Variants in WWOX observed in about 807,000 individuals in gnomAD.
The protein encoded by WWOX is WW domain containing oxidoreductase, also known as WW domain-containing oxidoreductase.
WWOX carries 69 observed loss-of-function variants against 46.2 expected under a neutral mutation model. The observed-to-expected ratio is 1.49, with a 90% confidence interval of 1.23 to 1.82. WWOX has a LOEUF of 1.82. WWOX is among the 40% of genes most tolerant of loss of function. WWOX has a pLI of 0.00. For synonymous variants in WWOX, 359 were observed against 202.6 expected, an observed-to-expected ratio of 1.77 and a Z score of -6.56; for missense variants, 919 against 542.6, an observed-to-expected ratio of 1.69 and a Z score of -6.89.
intron 5 of WWOX, chr16:78,278,496 T>C: frequency 3.5e-6 from 4 of 1,139,818 alleles, no homozygotes; most frequent in Non-Finnish European, 5.0e-6. Flanking sequence ...CAGCTTGAAT[T>C]TGTTAATTAA....
intron 8 of WWOX, among the ~76,000 whole-genome samples, chr16:78,811,745 C>A (rs1331171345): frequency 6.6e-6 from 1 of 152,072 alleles, no homozygotes; most frequent in Non-Finnish European, 1.5e-5. Context: ...CTAAACCTAA[C>A]AACCTCTCCA....
At position 78,115,042 on chromosome 16, in the gene WWOX, C is replaced by T. The variant is rs762544171; in HGVS notation, c.297C>T (p.Thr99=). ...RLAFTVDDNP[T]KPTTRQRYDG... ...CGTTTACTGTGGATGATAATCCGAC[C>T]AAGCCAACCACCCGGCAAAGATACG... Residue 99 remains threonine, a synonymous_variant, in exon 4 of 9, where the codon ACC becomes ACT. Coordinates refer to ENST00000566780, the MANE Select transcript of WWOX (RefSeq NM_016373.4). 6.2e-7 allele frequency: 1 copy of T among 1,614,040 alleles called. No individual in the cohort carries two copies. The highest frequency in any genetic ancestry group is 8.5e-7 in the Non-Finnish European group (1 of 1,180,040).
At chr16:78,674,251 C>G (rs1038138531) in intron 8 of WWOX, among the ~76,000 whole-genome samples, 2 of 151,482 alleles carry the variant, frequency 1.3e-5, no homozygotes, top group Non-Finnish European at 2.9e-5. Flanking sequence ...GAAGCACTCC[C>G]CATCCAACTC....
At chr16:78,309,313 T>G (rs1409453169) in intron 5 of WWOX, among the ~76,000 whole-genome samples, 1 of 152,206 alleles carries the variant, frequency 6.6e-6, no homozygotes, top group Non-Finnish European at 1.5e-5. Flanking sequence ...ACCTGGTGCT[T>G]TGCTTCCACT....
At chr16:79,177,652 A>G (rs986927294) in intron 8 of WWOX, among the ~76,000 whole-genome samples, 2 of 152,100 alleles carry the variant, frequency 1.3e-5, no homozygotes, top group Non-Finnish European at 2.9e-5. Flanking sequence ...AGGTTTCTCA[A>G]TGTGTGTTCA....
At chr16:79,144,365 G>C (rs1168729952) in intron 8 of WWOX, among the ~76,000 whole-genome samples, 2 of 152,186 alleles carry the variant, frequency 1.3e-5, no homozygotes, top group African/African-American at 4.8e-5. Context: ...GCTTTTTGGG[G>C]GACCCAGGAG....
chr16:78,779,438 C>T (rs140924574), intron 8 of WWOX, among the ~76,000 whole-genome samples: 2 of 152,134 alleles, frequency 1.3e-5, no homozygotes, highest in Non-Finnish European at 2.9e-5. Flanking sequence ...GTCCGGCCCC[C>T]CTTTCTTCTT....
At chr16:78,262,346 C>T (rs773680484) in intron 5 of WWOX, among the ~76,000 whole-genome samples, 11 of 152,132 alleles carry the variant, frequency 7.2e-5, no homozygotes, top group Non-Finnish European at 1.3e-4. Flanking sequence ...CTATTCTGAT[C>T]TTCCTGTTAG....
intron 8 of WWOX, among the ~76,000 whole-genome samples, chr16:78,973,782 T>C (rs1306234722): frequency 6.6e-6 from 1 of 152,240 alleles, no homozygotes; most frequent in South Asian, 2.1e-4. Context: ...CACAAGTTTC[T>C]GTGCTGATAT....
In WWOX at chr16:78,148,883, G is replaced by C. The variant is rs1025949405; in HGVS notation, c.410-15300G>C. Among the ~76,000 whole-genome samples the C allele has an allele frequency of 4.0e-5, 4 of 100,134 alleles. No homozygotes were observed. The Admixed American group carries it at 6.8e-4, about 17-fold the overall frequency. 65.7% of individuals were successfully genotyped at this position (100,134 alleles called of 152,430 possible). ...ACTGCACTCCAGCCTGGGCGACAGAGCAAGACTCCGTCTCAAAAAAAAAAA... is the reference window on the plus strand; with the variant it reads ...ACTGCACTCCAGCCTGGGCGACAGACCAAGACTCCGTCTCAAAAAAAAAAA... On this transcript the variant is annotated intron_variant, in intron 4 of 8. Coordinates refer to ENST00000566780, the MANE Select transcript of WWOX (RefSeq NM_016373.4).
At position 78,325,847 on chromosome 16, in the gene WWOX, G is replaced by C. The variant is rs78466085; in HGVS notation, c.517-61013G>C. Among the ~76,000 whole-genome samples the C allele has an allele frequency of 7.6e-3, 1,155 of 152,322 alleles. 17 individuals are homozygous for C. Among genetic ancestry groups the C allele is most frequent in the African/African-American group, 0.026 (1,086 of 41,560 alleles). On this transcript the variant is annotated intron_variant, in intron 5 of 8. Transcript: ENST00000566780. The stretch of plus-strand genomic sequence containing the variant: ...TTTGCAACTTGAACACACTCATTGG[G>C]AGCTTTGGATAATGACAACAATGAT...
At chr16:78,423,107 G>C (rs1195819816) in intron 6 of WWOX, among the ~76,000 whole-genome samples, 1 of 151,604 alleles carries the variant, frequency 6.6e-6, no homozygotes, top group Non-Finnish European at 1.5e-5. Context: ...GGCTGGTCTT[G>C]AACTTCTGAC....
At chr16:78,780,925 G>A (rs2142553114) in intron 8 of WWOX, among the ~76,000 whole-genome samples, 1 of 152,318 alleles carries the variant, frequency 6.6e-6, no homozygotes, top group South Asian at 2.1e-4. Context: ...TGGGTTCAGA[G>A]AGCAGCAGCA....
intron 8 of WWOX, among the ~76,000 whole-genome samples, chr16:78,911,067 G>T (rs1255676982): frequency 1.3e-5 from 2 of 152,002 alleles, no homozygotes; most frequent in Non-Finnish European, 2.9e-5. Context: ...CCATCCCCAT[G>T]TGTGGCTCTC....
At position 78,422,684 on chromosome 16, in the gene WWOX, T is replaced by TATATATATATATATATACAC. The variant is rs1263877025; in HGVS notation, c.606-2185_606-2184insTATATATATATATATACACA. On this transcript the variant is annotated intron_variant, in intron 6 of 8. Transcript: ENST00000566780. ...ACATGTATATATATATATATATATA[T>TATATATATATATATATACAC]ACACACACACACACACATATATATA... is the stretch of plus-strand genomic sequence containing the variant. 7.4e-4 allele frequency among the ~76,000 whole-genome samples: 39 copies of TATATATATATATATATACAC among 52,970 alleles called. 4 individuals carry two copies. The highest frequency in any genetic ancestry group is 3.9e-3 in the East Asian group (8 of 2,068). 34.8% of individuals were successfully genotyped at this position (52,970 alleles called of 152,430 possible).
intron 1 of WWOX, among the ~76,000 whole-genome samples, chr16:78,100,448 C>T (rs1310013692): frequency 6.6e-6 from 1 of 152,154 alleles, no homozygotes; most frequent in African/African-American, 2.4e-5. Context: ...AGACTAGGGT[C>T]GCACCATGTT....
At chr16:79,025,215 G>A (rs1051033248) in intron 8 of WWOX, among the ~76,000 whole-genome samples, 2 of 152,192 alleles carry the variant, frequency 1.3e-5, no homozygotes, top group African/African-American at 4.8e-5. Context: ...CTGAGGCTGG[G>A]GCAGGGAGAT....
At chr16:78,653,897 C>G (rs982838914) in intron 8 of WWOX, among the ~76,000 whole-genome samples, 7 of 152,194 alleles carry the variant, frequency 4.6e-5, no homozygotes, top group Non-Finnish European at 5.9e-5. Flanking sequence ...TGCAGCAGGA[C>G]ACATCTCTAA....
chr16:78,168,206 T>C (rs897009554), intron 5 of WWOX: 3 of 152,214 alleles, frequency 2.0e-5, no homozygotes, highest in African/African-American at 7.2e-5. Flanking sequence ...AAGAGTTCAT[T>C]CCTCCATCCC....
Sources: allele counts gnomAD v4.1 joint callset (sites outside exome capture counted in the v4.1 genomes callset), GRCh38; gene constraint gnomAD v4.1.1; transcripts MANE v1.5; gene names NCBI Gene and HGNC (gene_info 2026-07-23, HGNC 2026-07-21).